The following CNTN5 variants were observed in gnomAD, a reference collection of about 807,000 sequenced individuals.
CNTN5 encodes contactin 5, also known as contactin-5.
In CNTN5, 77 loss-of-function variants were observed where a neutral mutation model predicts 129.1. That is an observed-to-expected ratio of 0.60 (90% CI 0.50 to 0.72). CNTN5 has a LOEUF of 0.72. CNTN5 is among the 30% of genes least tolerant of loss of function. The pLI is 0.00. For synonymous variants in CNTN5, 509 were observed against 465.6 expected (o/e 1.09, Z -1.20); for missense variants, 1,478 against 1,328.8 (o/e 1.11, Z -1.75).
At position 100,224,829 on chromosome 11, in the gene CNTN5, T is replaced by C. The variant is rs1193948236; in HGVS notation, c.2005+17T>C. Reference sequence around the variant, plus strand: ...TTGTTAGGGGTGAGTATGCTAATAGTGCAGTCTGAAGACATGATCACCATA... The same window carrying C: ...TTGTTAGGGGTGAGTATGCTAATAGCGCAGTCTGAAGACATGATCACCATA... On this transcript the variant is annotated intron_variant, in intron 16 of 24. Transcript: ENST00000524871. 1.2e-6 allele frequency: 2 copies of C among 1,611,784 alleles called. No homozygotes were observed. Among genetic ancestry groups the C allele is most frequent in the Non-Finnish European group, 1.7e-6 (2 of 1,178,270 alleles).
intron 15 of CNTN5, among the ~76,000 whole-genome samples, chr11:100,218,175 T>C (rs1949184188): frequency 6.6e-6 from 1 of 152,174 alleles, no homozygotes; most frequent in Non-Finnish European, 1.5e-5. Context: ...AACACATAAA[T>C]ATACCAACGC....
intron 3 of CNTN5, among the ~76,000 whole-genome samples, chr11:99,600,091 A>G (rs1263424828): frequency 6.6e-6 from 1 of 152,284 alleles, no homozygotes; most frequent in Non-Finnish European, 1.5e-5. Flanking sequence ...ATAGCAGAGT[A>G]AAATGGCTAC....
chr11:99,927,405 G>T (rs1173739164), intron 7 of CNTN5, among the ~76,000 whole-genome samples: 1 of 152,022 alleles, frequency 6.6e-6, no homozygotes, highest in African/African-American at 2.4e-5. Flanking sequence ...ATATTGTATT[G>T]TATTAGTGCA....
intron 3 of CNTN5, among the ~76,000 whole-genome samples, chr11:99,780,919 C>T (rs923124797): frequency 2.0e-5 from 3 of 151,918 alleles, no homozygotes; most frequent in Non-Finnish European, 4.4e-5. Flanking sequence ...TTATAGATAA[C>T]TTTGTAGATC....
intron 3 of CNTN5, among the ~76,000 whole-genome samples, chr11:99,632,506 G>C (rs749066926): frequency 2.0e-5 from 3 of 152,172 alleles, no homozygotes; most frequent in Non-Finnish European, 4.4e-5. Flanking sequence ...TGTCTTACTA[G>C]GGAGTCCTCT....
chr11:100,257,406 C>G (rs918802411), intron 17 of CNTN5, among the ~76,000 whole-genome samples: 1 of 152,170 alleles, frequency 6.6e-6, no homozygotes, highest in African/African-American at 2.4e-5. Context: ...AAGAGAGCAG[C>G]AGATCTCCCA....
chr11:100,016,643 G>A (rs1246229962), intron 9 of CNTN5, among the ~76,000 whole-genome samples: 9 of 151,854 alleles, frequency 5.9e-5, no homozygotes, highest in South Asian at 2.1e-4. Context: ...TGGTAGAGCC[G>A]TATGTACATG....
chr11:100,296,942 T>G (rs978659294), intron 18 of CNTN5, among the ~76,000 whole-genome samples: 5 of 151,626 alleles, frequency 3.3e-5, no homozygotes, highest in African/African-American at 1.2e-4. Flanking sequence ...ATTTAAAAGT[T>G]CTTCATTTGA....
At chr11:100,330,567 T>C (rs1951886234) in intron 21 of CNTN5, among the ~76,000 whole-genome samples, 1 of 152,144 alleles carries the variant, frequency 6.6e-6, no homozygotes, top group Admixed American at 6.5e-5. Flanking sequence ...TTTTAAGAGC[T>C]GTGAGGCAAA....
At chr11:99,283,141 C>A (rs1400589330) in intron 1 of CNTN5, among the ~76,000 whole-genome samples, 4 of 152,010 alleles carry the variant, frequency 2.6e-5, no homozygotes, top group African/African-American at 9.7e-5. Flanking sequence ...CCAGAACCAC[C>A]TTCTCTGAGT....
intron 2 of CNTN5, among the ~76,000 whole-genome samples, chr11:99,510,314 A>G (rs1376913797): frequency 1.3e-5 from 2 of 152,306 alleles, no homozygotes; most frequent in Admixed American, 6.5e-5. Context: ...TGGGAAAAAA[A>G]GAGACTCTCA....
At chr11:100,297,514 C>A in intron 18 of CNTN5, 111 bp from the exon 19 acceptor site, 1 of 786,198 alleles carries the variant, frequency 1.3e-6, no homozygotes, top group Non-Finnish European at 2.2e-6. Flanking sequence ...TTGTTTTAAT[C>A]TTTAATATGA....
At chr11:99,807,563 A>G (rs1946311145) in intron 3 of CNTN5, among the ~76,000 whole-genome samples, 1 of 152,140 alleles carries the variant, frequency 6.6e-6, no homozygotes, top group Non-Finnish European at 1.5e-5. Flanking sequence ...TTGCCCAGGC[A>G]GGAGTGCAGT....
intron 2 of CNTN5, among the ~76,000 whole-genome samples, chr11:99,406,260 C>T (rs577035653): frequency 6.6e-6 from 1 of 152,034 alleles, no homozygotes; most frequent in Admixed American, 6.5e-5. Flanking sequence ...CTTGAAGGGG[C>T]ACCCCAAGCC....
At chr11:99,263,340 C>G (rs2135830359) in intron 1 of CNTN5, among the ~76,000 whole-genome samples, 1 of 152,150 alleles carries the variant, frequency 6.6e-6, no homozygotes, top group East Asian at 1.9e-4. Context: ...TTGTGCATGT[C>G]AATTGAGCTT....
intron 4 of CNTN5, among the ~76,000 whole-genome samples, chr11:99,836,509 A>C (rs190125730): frequency 1.3e-5 from 2 of 152,078 alleles, no homozygotes; most frequent in East Asian, 3.9e-4. Context: ...TCCATGGTGT[A>C]TATGTGCCAC....
At chr11:99,847,277 A>G (rs1947730104) in intron 6 of CNTN5, among the ~76,000 whole-genome samples, 1 of 152,226 alleles carries the variant, frequency 6.6e-6, no homozygotes, top group African/African-American at 2.4e-5. Flanking sequence ...TTTTCTGGAA[A>G]GACCAAACAT....
chr11:99,169,370 A>G (rs1190518910), intron 1 of CNTN5, among the ~76,000 whole-genome samples: 6 of 128,482 alleles, frequency 4.7e-5, no homozygotes, highest in Admixed American at 1.5e-4. Context: ...GCAATAAGCT[A>G]TATGTGTGTG....
In CNTN5 at chr11:99,273,886, A is replaced by G. The variant is rs138044782; in HGVS notation, c.-209-51460A>G. 1.5e-3 allele frequency among the ~76,000 whole-genome samples: 232 copies of G among 151,836 alleles called. 1 individual carries two copies. Among genetic ancestry groups the G allele is most frequent in the African/African-American group, 5.3e-3 (220 of 41,494 alleles). On this transcript the variant is annotated intron_variant, in intron 1 of 24. Coordinates refer to ENST00000524871, the MANE Select transcript of CNTN5 (RefSeq NM_014361.4). Reference sequence around the variant, plus strand: ...TTTATCAGTTTTGTCATTGACTACTAAAAAAATACATTGCTTCTTAGGAAC... The same window carrying G: ...TTTATCAGTTTTGTCATTGACTACTGAAAAAATACATTGCTTCTTAGGAAC...
Sources: allele counts gnomAD v4.1 joint callset (sites outside exome capture counted in the v4.1 genomes callset), GRCh38; gene constraint gnomAD v4.1.1; transcripts MANE v1.5; gene names NCBI Gene and HGNC (gene_info 2026-07-23, HGNC 2026-07-21).